DUSP29: variants seen among roughly 807,000 people sequenced by gnomAD.
The protein encoded by DUSP29 is atypical dual-specific protein phosphatase.
In DUSP29, 12 loss-of-function variants were observed where a neutral mutation model predicts 13.5. The ratio of observed to expected loss-of-function variants is 0.89; its 90% CI spans 0.57 to 1.44. DUSP29 has a LOEUF of 1.44. DUSP29 is among the 40% of genes most tolerant of loss of function. The pLI is 0.00. For synonymous variants in DUSP29, 134 were observed against 128.7 expected (o/e 1.04, Z -0.28); for missense variants, 308 against 301.1 (o/e 1.02, Z -0.17).
Position 75,037,959 on chromosome 10 carries a change from G to A in DUSP29, c.540C>T (p.Asn180=), listed in dbSNP as rs755922933. The A allele has an allele frequency of 1.2e-5, 20 of 1,613,846 alleles. No homozygotes were observed. Among genetic ancestry groups the A allele is most frequent in the African/African-American group, 5.3e-5 (4 of 74,924 alleles). The stretch of plus-strand genomic sequence containing the variant: ...AGCCCCGGTTCGGGAGGACGCAGCG[G>A]TTCTTGGCCACTTGCTGGATGGCGT... The part of the protein sequence containing the change: ...LVDAIQQVAK[N]RCVLPNRGFL... Residue 180 remains asparagine, a synonymous_variant, in exon 4 of 4, where the codon AAC becomes AAT. Transcript: ENST00000338487.
At chr10:75,055,262 G>A (rs946733212) in intron 2 of DUSP29, among the ~76,000 whole-genome samples, 19 of 151,120 alleles carry the variant, frequency 1.3e-4, no homozygotes, top group African/African-American at 3.9e-4. Context: ...AATAAGCATC[G>A]CTGCACATAT....
Position 75,054,055 on chromosome 10 carries a change from A to AG in DUSP29, c.200+4259dup, listed in dbSNP as rs1353119368. Among the ~76,000 whole-genome samples the AG allele has an allele frequency of 3.9e-5, 6 of 152,370 alleles. No homozygotes were observed. The East Asian group carries it at 1.2e-3, about 29-fold the overall frequency. On this transcript the variant is annotated intron_variant, in intron 2 of 3. Coordinates refer to ENST00000338487, the MANE Select transcript of DUSP29 (RefSeq NM_001003892.3). ...GGTAAATACAGTATATAATATACAG[A>AG]GAAAAAGCTTACTTCTCACTATGGG... is the stretch of plus-strand genomic sequence containing the variant.
At chr10:75,072,289 T>TAA (rs1847346642) in intron 1 of DUSP29, among the ~76,000 whole-genome samples, 1 of 152,144 alleles carries the variant, frequency 6.6e-6, no homozygotes, top group African/African-American at 2.4e-5. Flanking sequence ...GCTTCAGCTG[T>TAA]AAACATTCAC....
intron 1 of DUSP29, among the ~76,000 whole-genome samples, chr10:75,060,446 T>C (rs990796550): frequency 4.8e-5 from 7 of 146,512 alleles, no homozygotes; most frequent in African/African-American, 1.8e-4. Flanking sequence ...ACTGCTCTCC[T>C]GGGCAACACA....
At chr10:75,052,602 C>T (rs540361673) in intron 2 of DUSP29, among the ~76,000 whole-genome samples, 14 of 152,064 alleles carry the variant, frequency 9.2e-5, no homozygotes, top group African/African-American at 3.1e-4. Flanking sequence ...CCAACGCGCC[C>T]GGCCATCCCC....
intron 3 of DUSP29, among the ~76,000 whole-genome samples, chr10:75,040,202 G>C (rs1248811101): frequency 6.6e-6 from 1 of 152,092 alleles, no homozygotes; most frequent in Admixed American, 6.5e-5. Context: ...AAACCAAACA[G>C]TGAAAATCTG....
chr10:75,069,994 G>A (rs1014202664), intron 1 of DUSP29, among the ~76,000 whole-genome samples: 2 of 151,218 alleles, frequency 1.3e-5, no homozygotes, highest in Non-Finnish European at 2.9e-5. Context: ...AGGTTGCTGT[G>A]AGCCAAGATC....
intron 2 of DUSP29, among the ~76,000 whole-genome samples, chr10:75,055,542 A>G (rs1846941205): frequency 6.6e-6 from 1 of 152,238 alleles, no homozygotes; most frequent in African/African-American, 2.4e-5. Context: ...CAGTAAATCT[A>G]TAAAAACAGA....
At chr10:75,049,284 T>C (rs750199529) in intron 2 of DUSP29, among the ~76,000 whole-genome samples, 20 of 152,240 alleles carry the variant, frequency 1.3e-4, no homozygotes, top group Non-Finnish European at 2.5e-4. Context: ...TAACTTCTAC[T>C]GGAAATCTCC....
Position 75,043,696 on chromosome 10 carries a change from GC to G in DUSP29, c.421+100del, listed in dbSNP as rs1209384417. Reference sequence around the variant, plus strand: ...GGGCGGAGCCTAGGCTAGGGGCGGAGCCTTAGTGGGGCGGGGAAGGGGCGGG... The same window carrying G: ...GGGCGGAGCCTAGGCTAGGGGCGGAGCTTAGTGGGGCGGGGAAGGGGCGGG... On this transcript the variant is annotated intron_variant, in intron 3 of 3. Transcript: ENST00000338487. 5 of 1,117,770 alleles carry G rather than the reference GC, an allele frequency of 4.5e-6. No homozygotes were observed. The African/African-American group carries it at 8.0e-5, about 18-fold the overall frequency. 69.2% of individuals were successfully genotyped at this position (1,117,770 alleles called of 1,614,324 possible). A position where few individuals can be genotyped will look rare whatever the true frequency, so the allele number is the denominator to read the frequency against.
intron 1 of DUSP29, among the ~76,000 whole-genome samples, chr10:75,064,091 G>C (rs894397256): frequency 1.3e-5 from 2 of 151,894 alleles, no homozygotes; most frequent in African/African-American, 4.8e-5. Flanking sequence ...TTGTCACCCA[G>C]GCTGGAGTGC....
rs780081911 is a variant in DUSP29, at chr10:75,037,794, C to T, written c.*42G>A. 6.4e-7 allele frequency: 1 copy of T among 1,569,866 alleles called. No homozygotes were observed. The highest frequency in any genetic ancestry group is 8.6e-7 in the Non-Finnish European group (1 of 1,159,106). On this transcript the variant is annotated 3_prime_UTR_variant, in exon 4 of 4. Transcript: ENST00000338487. ...AGGCCAGGGCTATGTTCTGCCTCTC[C>T]CCTCTGTCCCCAAGTGCCTCTGCTG...
intron 1 of DUSP29, among the ~76,000 whole-genome samples, chr10:75,066,100 G>A (rs1847195711): frequency 6.6e-6 from 1 of 152,104 alleles, no homozygotes; most frequent in Admixed American, 6.6e-5. Flanking sequence ...GTGAAACAAA[G>A]AGAACTAAAT....
chr10:75,044,203 G>C (rs1325846987), intron 2 of DUSP29, among the ~76,000 whole-genome samples, 186 bp from the exon 3 acceptor site: 7 of 152,246 alleles, frequency 4.6e-5, no homozygotes, highest in Admixed American at 4.6e-4. Flanking sequence ...TTGTGATTCT[G>C]GCTCGGCTGT....
At chr10:75,041,445 C>T (rs1053785034) in intron 3 of DUSP29, among the ~76,000 whole-genome samples, 1 of 152,198 alleles carries the variant, frequency 6.6e-6, no homozygotes, top group Non-Finnish European at 1.5e-5. Flanking sequence ...TCTCACAAGA[C>T]AAGCATTAGC....
intron 1 of DUSP29, among the ~76,000 whole-genome samples, chr10:75,063,778 C>T (rs1847138351): frequency 6.6e-6 from 1 of 152,068 alleles, no homozygotes. Flanking sequence ...AACCAAGGTA[C>T]AGCTAATTTA....
Position 75,060,974 on chromosome 10 carries a change from G to A in DUSP29, c.-34-2426C>T, listed in dbSNP as rs575894138. On this transcript the variant is annotated intron_variant, in intron 1 of 3. Coordinates refer to ENST00000338487, the MANE Select transcript of DUSP29 (RefSeq NM_001003892.3). Reference sequence around the variant, plus strand: ...GTTGGGGCAAGGTATTGATGTAGGTGTGAATGAGATGGGCTGGCTATGAGT... The same window carrying A: ...GTTGGGGCAAGGTATTGATGTAGGTATGAATGAGATGGGCTGGCTATGAGT... Among the ~76,000 whole-genome samples, 6 of 152,332 alleles carry A rather than the reference G, an allele frequency of 3.9e-5. No homozygotes were observed. The South Asian group carries it at 1.2e-3, about 32-fold the overall frequency.
In DUSP29 at chr10:75,037,663, C is replaced by T. The variant is rs964716568; in HGVS notation, c.*173G>A. Among the ~76,000 whole-genome samples the T allele has an allele frequency of 4.6e-5, 7 of 152,152 alleles. No homozygotes were observed. Among genetic ancestry groups the T allele is most frequent in the East Asian group, 1.9e-4 (1 of 5,192 alleles). ...GAGAGGCTGAGCGCTCAGCTCTGCC[C>T]GGGGGCAGCTCTGGGTCCTCCCTGT... On this transcript the variant is annotated 3_prime_UTR_variant, in exon 4 of 4. Coordinates refer to ENST00000338487, the MANE Select transcript of DUSP29 (RefSeq NM_001003892.3).
intron 2 of DUSP29, among the ~76,000 whole-genome samples, chr10:75,053,153 GAGCTATTAGACTAGCAC>G (rs1354932472): frequency 6.6e-6 from 1 of 152,336 alleles, no homozygotes; most frequent in East Asian, 1.9e-4. Flanking sequence ...ATGTTGGGGT[GAGCTATTAGACTAGCAC>G]AGCTAATCGA....
Sources: allele counts gnomAD v4.1 joint callset (sites outside exome capture counted in the v4.1 genomes callset), GRCh38; gene constraint gnomAD v4.1.1; transcripts MANE v1.5; gene names NCBI Gene and HGNC (gene_info 2026-07-23, HGNC 2026-07-21).